CDC14A: variants seen among roughly 807,000 people sequenced by gnomAD.
The protein encoded by CDC14A is dual specificity protein phosphatase CDC14A.
A neutral mutation model predicts 74.4 loss-of-function variants in CDC14A; 53 were observed. The observed-to-expected ratio is 0.71, with a 90% CI of 0.57 to 0.89. The LOEUF is 0.89. CDC14A is among the 40% of genes least tolerant of loss of function. CDC14A has a pLI of 0.00. For missense variants in CDC14A, 646 were observed against 713.7 expected (o/e 0.91, Z 1.08); for synonymous variants, 247 against 258.4 (o/e 0.96, Z 0.43).
intron 13 of CDC14A, among the ~76,000 whole-genome samples, chr1:100,496,270 G>T (rs1647794550): frequency 6.6e-6 from 1 of 151,560 alleles, no homozygotes; most frequent in African/African-American, 2.4e-5. Context: ...TGTGGTGGTG[G>T]TAGAGACATC....
At chr1:100,433,339 A>G (rs1656606054) in intron 5 of CDC14A, among the ~76,000 whole-genome samples, 1 of 152,232 alleles carries the variant, frequency 6.6e-6, no homozygotes, top group Admixed American at 6.5e-5. Flanking sequence ...CTGGGCCAAT[A>G]GACATAAAAG....
chr1:100,399,337 A>G (rs1658956575), intron 4 of CDC14A, among the ~76,000 whole-genome samples: 1 of 152,186 alleles, frequency 6.6e-6, no homozygotes, highest in South Asian at 2.1e-4. Context: ...TTTCTATATT[A>G]TAAGTGTTTC....
intron 10 of CDC14A, among the ~76,000 whole-genome samples, chr1:100,479,796 T>TATA (rs1434821027): frequency 5.9e-5 from 9 of 152,192 alleles, no homozygotes; most frequent in African/African-American, 1.9e-4. Flanking sequence ...GATCCATTTG[T>TATA]TGACTGCCAG....
At chr1:100,383,459 T>C (rs181815958) in intron 3 of CDC14A, 5 of 152,802 alleles carry the variant, frequency 3.3e-5, no homozygotes, top group East Asian at 1.9e-4. Context: ...TATTTTGTTT[T>C]GTACAGCCAA....
At chr1:100,459,112 C>CAGAG (rs1557781940) in intron 8 of CDC14A, among the ~76,000 whole-genome samples, 43 of 147,896 alleles carry the variant, frequency 2.9e-4, no homozygotes, top group African/African-American at 1.0e-3. Flanking sequence ...CACACACACA[C>CAGAG]ACACACACAC....
chr1:100,501,844 ATG>A (rs1403084916), intron 15 of CDC14A, among the ~76,000 whole-genome samples: 1 of 152,104 alleles, frequency 6.6e-6, no homozygotes, highest in Non-Finnish European at 1.5e-5. Context: ...GCCCAGGCTA[ATG>A]TGTGTGTTTG....
chr1:100,391,042 G>A, intron 4 of CDC14A: 1 of 568,848 alleles, frequency 1.8e-6, no homozygotes, highest in South Asian at 1.9e-5. Flanking sequence ...TCTTGAAACT[G>A]CAATATGTAG....
rs979608544 is a variant in CDC14A at position 100,352,896 on chromosome 1, G to C, written c.-59G>C. 1.7e-5 allele frequency: 27 copies of C among 1,611,898 alleles called. No individual in the cohort carries two copies. Among genetic ancestry groups the C allele is most frequent in the Non-Finnish European group, 2.2e-5 (26 of 1,179,604 alleles). On this transcript the variant is annotated 5_prime_UTR_variant, in exon 1 of 16. Coordinates refer to ENST00000336454, the MANE Select transcript of CDC14A (RefSeq NM_003672.4). Reference sequence around the variant, plus strand: ...CTCCTGGGCAGTGGGGAAGCCCCCGGGGGCGAGTGACTTCAGCTGGCCACG... The same window carrying C: ...CTCCTGGGCAGTGGGGAAGCCCCCGCGGGCGAGTGACTTCAGCTGGCCACG...
chr1:100,352,628 G>T lies in CDC14A; in HGVS notation c.-327G>T, dbSNP rs1651222715. ...ACTTTGGAAGCCGGGGGAAGACTTT[G>T]CCCTGCCCTGAGAGCTGGTCTGCGT... On this transcript the variant is annotated 5_prime_UTR_variant, in exon 1 of 16. Transcript: ENST00000336454. 1 of 1,202,308 alleles carries T rather than the reference G, an allele frequency of 8.3e-7. No homozygotes were observed. Among genetic ancestry groups the T allele is most frequent in the Non-Finnish European group, 1.0e-6 (1 of 965,858 alleles). 74.5% of individuals were successfully genotyped at this position (1,202,308 alleles called of 1,614,324 possible).
chr1:100,404,783 T>C (rs568833301), intron 4 of CDC14A, among the ~76,000 whole-genome samples: 4 of 152,230 alleles, frequency 2.6e-5, no homozygotes, highest in Admixed American at 6.5e-5. Flanking sequence ...TGAGCTGAGA[T>C]TGAGCCACTG....
At chr1:100,433,121 C>A (rs1414852548) in intron 5 of CDC14A, among the ~76,000 whole-genome samples, 1 of 151,972 alleles carries the variant, frequency 6.6e-6, no homozygotes, top group Non-Finnish European at 1.5e-5. Flanking sequence ...CTCAAGCAAT[C>A]CTCCTGCCTT....
chr1:100,361,630 G>T (rs199873428), intron 2 of CDC14A, among the ~76,000 whole-genome samples: 1 of 152,172 alleles, frequency 6.6e-6, no homozygotes, highest in Admixed American at 6.5e-5. Context: ...AAGATTTCAG[G>T]CAGAGTCCTG....
chr1:100,352,889 G>A lies in CDC14A; in HGVS notation c.-66G>A. On this transcript the variant is annotated 5_prime_UTR_variant, in exon 1 of 16. Coordinates refer to ENST00000336454, the MANE Select transcript of CDC14A (RefSeq NM_003672.4). ...TTCCTGGCTCCTGGGCAGTGGGGAAGCCCCCGGGGGCGAGTGACTTCAGCT... is the reference window on the plus strand; with the variant it reads ...TTCCTGGCTCCTGGGCAGTGGGGAAACCCCCGGGGGCGAGTGACTTCAGCT... 6.2e-7 allele frequency: 1 copy of A among 1,610,570 alleles called. No individual in the cohort carries two copies. Among genetic ancestry groups the A allele is most frequent in the South Asian group, 1.1e-5 (1 of 90,806 alleles).
rs140352996 is a variant in CDC14A, at chr1:100,381,611, C to A, written c.216+3990C>A. Among the ~76,000 whole-genome samples, 785 of 152,064 alleles carry A rather than the reference C, an allele frequency of 5.2e-3. 2 individuals carry two copies. Among genetic ancestry groups the A allele is most frequent in the Non-Finnish European group, 7.6e-3 (515 of 67,974 alleles). On this transcript the variant is annotated intron_variant, in intron 3 of 15. Coordinates refer to ENST00000336454, the MANE Select transcript of CDC14A (RefSeq NM_003672.4). ...TTTTGAAATGAGAAGATGTTTTTTT[C>A]CAGTTGATGATTTGAGTTGGTGATT...
At chr1:100,488,638 T>C (rs1037595266) in intron 11 of CDC14A, among the ~76,000 whole-genome samples, 4 of 152,222 alleles carry the variant, frequency 2.6e-5, no homozygotes, top group Non-Finnish European at 5.9e-5. Flanking sequence ...TGCTCTTGAC[T>C]TAGTGATATT....
chr1:100,499,342 C>T (rs146462348), intron 15 of CDC14A, 80 bp downstream of exon 15: 5 of 1,613,776 alleles, frequency 3.1e-6, no homozygotes, highest in East Asian at 2.2e-5. Flanking sequence ...CCGAGGCTGC[C>T]ACCAAAGAAA....
chr1:100,368,642 G>A (rs1393612500), intron 2 of CDC14A, among the ~76,000 whole-genome samples: 2 of 152,176 alleles, frequency 1.3e-5, no homozygotes, highest in Non-Finnish European at 2.9e-5. Context: ...TTGTATACAA[G>A]CATATTTTGT....
intron 7 of CDC14A, among the ~76,000 whole-genome samples, chr1:100,449,629 TCTC>T (rs1665925967): frequency 6.6e-6 from 1 of 152,284 alleles, no homozygotes; most frequent in African/African-American, 2.4e-5. Context: ...TGGAAGCTCT[TCTC>T]ATGTAGCCTT....
At chr1:100,345,176 ACTT>A (rs1403344168) in exon 1 of CDC14A, 2 of 152,192 alleles carry the variant, frequency 1.3e-5, no homozygotes, top group African/African-American at 4.8e-5. Context: ...GATAAAAAGG[ACTT>A]CTCTGTGAGT....
Sources: allele counts gnomAD v4.1 joint callset (sites outside exome capture counted in the v4.1 genomes callset), GRCh38; gene constraint gnomAD v4.1.1; transcripts MANE v1.5; gene names NCBI Gene and HGNC (gene_info 2026-07-23, HGNC 2026-07-21).